The following GFM1 variants were observed in gnomAD, a reference collection of about 807,000 sequenced individuals.
GFM1 encodes elongation factor G, mitochondrial.
In GFM1, 62 loss-of-function variants were observed where a neutral mutation model predicts 96.2. The ratio of observed to expected loss-of-function variants is 0.64; its 90% CI spans 0.53 to 0.80. The LOEUF (loss-of-function observed/expected upper bound fraction) is 0.80. Among genes scored for constraint, GFM1 ranks in the 30% least tolerant of loss-of-function variants. The probability of loss-of-function intolerance (pLI) is 0.00; values close to 1 mark genes in which losing one functional copy is unlikely to be tolerated. For missense variants in GFM1, 852 were observed against 916.6 expected (o/e 0.93, Z 0.91); for synonymous variants, 282 against 312.9 (o/e 0.90, Z 1.04).
In GFM1 at chr3:158,693,662, T is replaced by C. The variant is rs1408537155; in HGVS notation, c.*2195T>C. ...CATAGGTGAGGGTTGTTTATACTACTATCAAGAAGGATAATTGTTGGCTAA... is the reference window on the plus strand; with the variant it reads ...CATAGGTGAGGGTTGTTTATACTACCATCAAGAAGGATAATTGTTGGCTAA... On this transcript the variant is annotated 3_prime_UTR_variant, in exon 18 of 18. Transcript: ENST00000486715. 1 of 152,252 alleles carries C rather than the reference T, an allele frequency of 6.6e-6. No individual in the cohort carries two copies. Among genetic ancestry groups the C allele is most frequent in the Non-Finnish European group, 1.5e-5 (1 of 68,048 alleles). The allele number at this position is 152,252 out of a possible 1,614,324, so 9.4% of individuals were successfully genotyped here.
chr3:158,662,035 G>A lies in GFM1; in HGVS notation c.1324-593G>A, dbSNP rs971236308. Among the ~76,000 whole-genome samples, 5 of 152,318 alleles carry A rather than the reference G, an allele frequency of 3.3e-5. No individual in the cohort carries two copies. The South Asian group carries it at 1.0e-3, about 32-fold the overall frequency. ...ATGAAGTGATTGGTAGTTGTGGGAAGTGCTTACCAAGGCATTGAAACAAAC... is the reference window on the plus strand; with the variant it reads ...ATGAAGTGATTGGTAGTTGTGGGAAATGCTTACCAAGGCATTGAAACAAAC... On this transcript the variant is annotated intron_variant, in intron 10 of 17. Transcript: ENST00000486715.
chr3:158,653,788 C>A (rs1027615254), intron 7 of GFM1, among the ~76,000 whole-genome samples: 3 of 151,898 alleles, frequency 2.0e-5, no homozygotes, highest in African/African-American at 7.3e-5. Flanking sequence ...AAACAAACTT[C>A]TGCCAGGCGC....
chr3:158,661,383 G>A (rs17630223), intron 10 of GFM1, among the ~76,000 whole-genome samples: 1 of 152,026 alleles, frequency 6.6e-6, no homozygotes, highest in Non-Finnish European at 1.5e-5. Flanking sequence ...TATTAACTCA[G>A]TAGCCAGAAA....
chr3:158,684,800 A>G (rs1233370783), intron 15 of GFM1, 132 bp downstream of exon 15: 2 of 867,842 alleles, frequency 2.3e-6, no homozygotes, highest in Non-Finnish European at 3.7e-6. Context: ...GGTAGTGGGC[A>G]AATCTTTATG....
chr3:158,646,611 T>C, intron 3 of GFM1, 132 bp from the exon 4 acceptor site: 1 of 863,808 alleles, frequency 1.2e-6, no homozygotes, highest in African/African-American at 1.7e-5. Context: ...GTGAATAGTA[T>C]TGGTGAGCTC....
chr3:158,651,292 A>G (rs185892420), intron 5 of GFM1, among the ~76,000 whole-genome samples: 1 of 152,302 alleles, frequency 6.6e-6, no homozygotes, highest in Non-Finnish European at 1.5e-5. Flanking sequence ...AGGTCTTCCT[A>G]GTACTGCTTA....
chr3:158,679,433 A>G (rs9874301), intron 13 of GFM1, among the ~76,000 whole-genome samples: 2 of 152,162 alleles, frequency 1.3e-5, no homozygotes, highest in Non-Finnish European at 2.9e-5. Flanking sequence ...GTAATGTACT[A>G]TCTTCCTCAA....
chr3:158,674,858 A>G lies in GFM1; in HGVS notation c.1602-7137A>G, dbSNP rs554748207. ...CATGAGACTAAGTCATTCTGTCATT[A>G]TATGTGCAGTCCAGGAATATCTAGT... On this transcript the variant is annotated intron_variant, in intron 13 of 17. Transcript: ENST00000486715. Among the ~76,000 whole-genome samples, 60 of 152,336 alleles carry G rather than the reference A, an allele frequency of 3.9e-4. 1 individual carries two copies. Among genetic ancestry groups the G allele is most frequent in the Admixed American group, 2.0e-4 (3 of 15,310 alleles).
intron 1 of GFM1, chr3:158,644,952 C>A: frequency 4.3e-5 from 16 of 369,298 alleles, no homozygotes; most frequent in East Asian, 1.1e-4. Context: ...CACTCAGATA[C>A]TTTGATATTT....
chr3:158,653,404 C>G lies in GFM1; in HGVS notation c.935C>G (p.Ala312Gly). 1 of 1,612,674 alleles carries G rather than the reference C, an allele frequency of 6.2e-7. No homozygotes were observed. Among genetic ancestry groups the G allele is most frequent in the Non-Finnish European group, 8.5e-7 (1 of 1,178,758 alleles). ...AAAGGAGTTCAGCCTCTTTTAGATG[C>G]TGTTTTAGAATACCTCCCAAATCCA... ...KNKGVQPLLD[A>G]VLEYLPNPSE... Residue 312 changes from alanine to glycine, a missense_variant, in exon 7 of 18, where the codon GCT (alanine) becomes GGT (glycine). Ala to Gly is a moderately conservative substitution (Grantham distance 60). Transcript: ENST00000486715.
intron 4 of GFM1, 55 bp downstream of exon 4, chr3:158,647,002 A>G: frequency 7.4e-7 from 1 of 1,357,426 alleles, no homozygotes; most frequent in Middle Eastern, 1.8e-4. Flanking sequence ...AGCAAACCTT[A>G]TATCCAAAAG....
At chr3:158,689,625 A>G (rs941928805) in intron 15 of GFM1, among the ~76,000 whole-genome samples, 3 of 151,992 alleles carry the variant, frequency 2.0e-5, no homozygotes, top group African/African-American at 7.2e-5. Flanking sequence ...AAATACAAAA[A>G]TTAGTGGTAG....
In GFM1 at chr3:158,691,494, C is replaced by CT; in HGVS notation, c.*28dup. ...TTTGCTTACTGTGAGTTGACTGACT[C>CT]TAATTGAATCTGCGTGGTTTTGATA... On this transcript the variant is annotated 3_prime_UTR_variant, in exon 18 of 18. Transcript: ENST00000486715. 1 of 1,611,674 alleles carries CT rather than the reference C, an allele frequency of 6.2e-7. No homozygotes were observed. The highest frequency in any genetic ancestry group is 1.7e-5 in the Admixed American group (1 of 60,000).
intron 4 of GFM1, among the ~76,000 whole-genome samples, 167 bp from the exon 5 acceptor site, chr3:158,648,874 G>C (rs977607016): frequency 6.6e-6 from 1 of 152,018 alleles, no homozygotes; most frequent in Non-Finnish European, 1.5e-5. Context: ...CTTGAGTTAC[G>C]TTGTCAGTCT....
At chr3:158,686,160 A>T (rs1008593295) in intron 15 of GFM1, among the ~76,000 whole-genome samples, 1 of 148,736 alleles carries the variant, frequency 6.7e-6, no homozygotes, top group Non-Finnish European at 1.5e-5. Context: ...ATAATATGTT[A>T]TATATTATAT....
chr3:158,672,503 C>T, intron 13 of GFM1: 2 of 1,612,944 alleles, frequency 1.2e-6, no homozygotes, highest in African/African-American at 2.7e-5. Context: ...GACTTCAGGG[C>T]TTGGGCTACT....
At chr3:158,679,128 C>G (rs1163794900) in intron 13 of GFM1, among the ~76,000 whole-genome samples, 1 of 152,228 alleles carries the variant, frequency 6.6e-6, no homozygotes, top group Non-Finnish European at 1.5e-5. Flanking sequence ...GTCTCCACTT[C>G]TAGTTCTGAT....
rs1186387556 is a variant in GFM1 at position 158,645,655 on chromosome 3, T to G, written c.108T>G (p.Ser36=). ...TTAATTGGAAGGCCTGCCGATGGTCTTCATCAGGGGTGATTCCTAATGAAA... is the reference window on the plus strand; with the variant it reads ...TTAATTGGAAGGCCTGCCGATGGTCGTCATCAGGGGTGATTCCTAATGAAA... The part of the protein sequence containing the change: ...KQVNWKACRW[S]SSGVIPNEKI... Residue 36 remains serine, a synonymous_variant, in exon 2 of 18, where the codon TCT becomes TCG. Coordinates refer to ENST00000486715, the MANE Select transcript of GFM1 (RefSeq NM_024996.7). The G allele has an allele frequency of 1.2e-6, 2 of 1,612,972 alleles. No homozygotes were observed. Among genetic ancestry groups the G allele is most frequent in the African/African-American group, 2.7e-5 (2 of 74,930 alleles).
Position 158,694,016 on chromosome 3 carries a change from G to GTT in GFM1, c.*2559_*2560dup, listed in dbSNP as rs1254051489. 9.6e-5 allele frequency among the ~76,000 whole-genome samples: 14 copies of GTT among 145,246 alleles called. No homozygotes were observed. The highest frequency in any genetic ancestry group is 1.4e-4 in the Non-Finnish European group (9 of 65,676). On this transcript the variant is annotated 3_prime_UTR_variant, in exon 18 of 18. Transcript: ENST00000486715. ...AGTTTGGTTTTTTTGTTTAACAACT[G>GTT]TTTTTTTTTTTAAGAGATGGGGTCT...
Sources: gnomAD v4.1 joint callset for allele counts (sites outside exome capture counted in the v4.1 genomes callset) on GRCh38, gnomAD v4.1.1 for gene constraint, MANE v1.5 for transcripts, NCBI Gene and HGNC (gene_info 2026-07-23, HGNC 2026-07-21) for gene names.